The following SLC16A7 variants were observed in gnomAD, a reference collection of about 807,000 sequenced individuals.
The protein encoded by SLC16A7 is solute carrier family 16 member 7, also known as monocarboxylate transporter 2.
In SLC16A7, 33 loss-of-function variants were observed where a neutral mutation model predicts 34.9. The observed-to-expected ratio is 0.94, with a 90% CI of 0.72 to 1.26. The LOEUF (loss-of-function observed/expected upper bound fraction) is 1.26. Ranked by LOEUF, SLC16A7 falls within the 50% of genes most tolerant of loss-of-function variation. The pLI is 0.00. For synonymous variants in SLC16A7, 201 were observed against 206.6 expected, an observed-to-expected ratio of 0.97 and a Z score of 0.23; for missense variants, 573 against 578.1, an observed-to-expected ratio of 0.99 and a Z score of 0.09.
intron 1 of SLC16A7, among the ~76,000 whole-genome samples, chr12:59,623,169 T>C (rs139770641): frequency 7.9e-5 from 12 of 151,676 alleles, no homozygotes; most frequent in African/African-American, 2.9e-4. Context: ...GGCATTAGCA[T>C]CTCTCATGGT....
At chr12:59,741,005 G>A (rs1173439458) in intron 3 of SLC16A7, among the ~76,000 whole-genome samples, 5 of 152,112 alleles carry the variant, frequency 3.3e-5, no homozygotes, top group Non-Finnish European at 7.4e-5. Context: ...AATTTACAAG[G>A]GACGTGAAGG....
At chr12:59,767,132 CT>C (rs1219265316) in intron 3 of SLC16A7, among the ~76,000 whole-genome samples, 2 of 150,876 alleles carry the variant, frequency 1.3e-5, no homozygotes, top group East Asian at 4.0e-4. Flanking sequence ...TGCTTCTTTC[CT>C]TAAACGTCAT....
intron 1 of SLC16A7, among the ~76,000 whole-genome samples, chr12:59,612,321 T>A (rs1231762852): frequency 6.6e-6 from 1 of 152,164 alleles, no homozygotes; most frequent in Non-Finnish European, 1.5e-5. Context: ...AAGCAGTGGC[T>A]TGAGCTGTAA....
intron 1 of SLC16A7, among the ~76,000 whole-genome samples, chr12:59,615,999 G>T (rs1879431760): frequency 6.6e-6 from 1 of 152,134 alleles, no homozygotes; most frequent in Non-Finnish European, 1.5e-5. Flanking sequence ...AATTTCACTG[G>T]AAGGGGAAAC....
intron 3 of SLC16A7, among the ~76,000 whole-genome samples, chr12:59,753,637 A>C (rs1565697194): frequency 1.3e-5 from 2 of 151,992 alleles, no homozygotes; most frequent in Admixed American, 6.6e-5. Flanking sequence ...AGAGACTTAG[A>C]CTCCCACACA....
At chr12:59,662,929 A>G (rs1423357077) in intron 2 of SLC16A7, among the ~76,000 whole-genome samples, 2 of 152,144 alleles carry the variant, frequency 1.3e-5, no homozygotes, top group African/African-American at 4.8e-5. Context: ...GTGAAGAAAG[A>G]TGAATTCTAC....
chr12:59,653,855 T>G (rs1222498444), intron 1 of SLC16A7, among the ~76,000 whole-genome samples: 1 of 151,712 alleles, frequency 6.6e-6, no homozygotes, highest in African/African-American at 2.4e-5. Flanking sequence ...CTGTTTTCTT[T>G]GGCCTTACTC....
intron 3 of SLC16A7, chr12:59,719,965 A>G: frequency 1.6e-6 from 1 of 620,000 alleles, no homozygotes; most frequent in Non-Finnish European, 2.8e-6. Context: ...TTCTAAGTAA[A>G]TATTGGAAAC....
At chr12:59,600,872 G>A (rs187283240) in intron 1 of SLC16A7, among the ~76,000 whole-genome samples, 52 of 152,108 alleles carry the variant, frequency 3.4e-4, no homozygotes, top group Admixed American at 1.2e-3. Context: ...TAAAACTCCC[G>A]CAAATGTTTT....
At chr12:59,675,192 A>C (rs1870207571) in intron 2 of SLC16A7, among the ~76,000 whole-genome samples, 1 of 152,208 alleles carries the variant, frequency 6.6e-6, no homozygotes, top group African/African-American at 2.4e-5. Flanking sequence ...TACTTATTTC[A>C]TATTTTCATA....
At chr12:59,754,716 C>G (rs922281808) in intron 3 of SLC16A7, among the ~76,000 whole-genome samples, 2 of 152,084 alleles carry the variant, frequency 1.3e-5, no homozygotes, top group Non-Finnish European at 2.9e-5. Flanking sequence ...GAAAGTATTC[C>G]AATCAATACA....
intron 2 of SLC16A7, among the ~76,000 whole-genome samples, chr12:59,671,217 A>G (rs1390004877): frequency 6.6e-6 from 1 of 152,136 alleles, no homozygotes; most frequent in Non-Finnish European, 1.5e-5. Flanking sequence ...AATCTCACAT[A>G]TGGCATCTGA....
At chr12:59,765,866 G>C (rs914806010) in intron 3 of SLC16A7, among the ~76,000 whole-genome samples, 2 of 152,122 alleles carry the variant, frequency 1.3e-5, no homozygotes, top group African/African-American at 4.8e-5. Flanking sequence ...CCAATTCTGT[G>C]AAGAAAGTAA....
Position 59,781,258 on chromosome 12 carries a change from T to G in SLC16A7, c.*1579T>G, listed in dbSNP as rs1474892873. 1 of 151,884 alleles carries G rather than the reference T, an allele frequency of 6.6e-6. No individual in the cohort carries two copies. Among genetic ancestry groups the G allele is most frequent in the Non-Finnish European group, 1.5e-5 (1 of 68,002 alleles). 9.4% of individuals were successfully genotyped at this position (151,884 alleles called of 1,614,324 possible). A position where few individuals can be genotyped will look rare whatever the true frequency, so the allele number is the denominator to read the frequency against. On this transcript the variant is annotated 3_prime_UTR_variant, in exon 6 of 6. Transcript: ENST00000547379. Reference sequence around the variant, plus strand: ...TATGACTAAAGTTATAAATACAATATTTATATCTATAAATCTGAAGTTTAA... The same window carrying G: ...TATGACTAAAGTTATAAATACAATAGTTATATCTATAAATCTGAAGTTTAA...
At chr12:59,680,215 A>G (rs1870637482) in intron 2 of SLC16A7, among the ~76,000 whole-genome samples, 1 of 152,198 alleles carries the variant, frequency 6.6e-6, no homozygotes, top group Admixed American at 6.5e-5. Flanking sequence ...TGTGGGATTC[A>G]TAGCCAAGAA....
intron 3 of SLC16A7, among the ~76,000 whole-genome samples, chr12:59,765,112 T>C (rs1443650025): frequency 1.3e-5 from 2 of 152,250 alleles, no homozygotes; most frequent in Admixed American, 1.3e-4. Context: ...ATGTGTTTTT[T>C]GGCTGCATAA....
chr12:59,633,327 C>G (rs1370611495), intron 1 of SLC16A7, among the ~76,000 whole-genome samples: 2 of 151,946 alleles, frequency 1.3e-5, no homozygotes, highest in Non-Finnish European at 2.9e-5. Context: ...GTAACAGATA[C>G]ATCAGATACT....
chr12:59,626,525 C>A (rs1255381396), intron 1 of SLC16A7, among the ~76,000 whole-genome samples: 2 of 151,710 alleles, frequency 1.3e-5, no homozygotes, highest in Non-Finnish European at 2.9e-5. Flanking sequence ...GAGCCTCAGG[C>A]ACTTTAAGTG....
chr12:59,740,170 G>T (rs1303435735), intron 3 of SLC16A7, among the ~76,000 whole-genome samples: 24 of 151,454 alleles, frequency 1.6e-4, no homozygotes, highest in Admixed American at 1.4e-3. Flanking sequence ...GGCTTTTTAT[G>T]GTTTTAGGTC....
Sources: allele counts gnomAD v4.1 joint callset (sites outside exome capture counted in the v4.1 genomes callset), GRCh38; gene constraint gnomAD v4.1.1; transcripts MANE v1.5; gene names NCBI Gene and HGNC (gene_info 2026-07-23, HGNC 2026-07-21).